Variants in PARP8 observed in about 807,000 individuals in gnomAD.
PARP8 encodes the protein poly(ADP-ribose) polymerase family member 8.
In PARP8, 51 loss-of-function variants were observed where a neutral mutation model predicts 124.1. That is an observed-to-expected ratio of 0.41 (90% CI 0.33 to 0.52). PARP8 has a LOEUF of 0.52. PARP8 is among the 20% of genes least tolerant of loss of function. PARP8 has a pLI of 0.21. For missense variants in PARP8, 860 were observed against 1,018.9 expected, an observed-to-expected ratio of 0.84 and a Z score of 2.12; for synonymous variants, 391 against 361.5, an observed-to-expected ratio of 1.08 and a Z score of -0.93.
chr5:50,758,081 A>G (rs182419326), intron 3 of PARP8, among the ~76,000 whole-genome samples: 46 of 152,276 alleles, frequency 3.0e-4, no homozygotes, highest in East Asian at 1.2e-3. Context: ...ATAAAAAAAC[A>G]TTGACTCTAA....
At chr5:50,668,168 T>TA (rs750221881) in intron 2 of PARP8, 43 bp downstream of exon 2, 1 of 1,490,124 alleles carries the variant, frequency 6.7e-7, no homozygotes, top group African/African-American at 1.4e-5. Flanking sequence ...GTTCACACTC[T>TA]TGTGTTTCCT....
chr5:50,796,899 C>T, intron 12 of PARP8, 83 bp from the exon 13 acceptor site: 1 of 1,165,552 alleles, frequency 8.6e-7, no homozygotes, highest in South Asian at 1.5e-5. Flanking sequence ...TTCGTATTCA[C>T]TATTGCAAAG....
At chr5:50,707,836 A>G (rs1754319092) in intron 2 of PARP8, among the ~76,000 whole-genome samples, 1 of 152,082 alleles carries the variant, frequency 6.6e-6, no homozygotes. Context: ...ATTTTAGAAC[A>G]ATATGCGTGA....
chr5:50,790,843 T>C (rs1741872724), intron 10 of PARP8, among the ~76,000 whole-genome samples: 1 of 152,178 alleles, frequency 6.6e-6, no homozygotes, highest in African/African-American at 2.4e-5. Context: ...ATATTAGCTA[T>C]GTGGAAAGTT....
chr5:50,797,762 T>G (rs1334606199), intron 14 of PARP8, among the ~76,000 whole-genome samples: 1 of 152,230 alleles, frequency 6.6e-6, no homozygotes, highest in East Asian at 1.9e-4. Flanking sequence ...TATACGTGCA[T>G]TTTGGAGAGA....
intron 2 of PARP8, among the ~76,000 whole-genome samples, chr5:50,699,542 C>A (rs1418514742): frequency 6.6e-6 from 1 of 152,174 alleles, no homozygotes. Context: ...CAGCCATCTT[C>A]ATTACCATAT....
intron 2 of PARP8, among the ~76,000 whole-genome samples, chr5:50,679,545 C>T (rs1166864156): frequency 6.6e-6 from 1 of 152,180 alleles, no homozygotes; most frequent in Admixed American, 6.5e-5. Context: ...GCCACCCTCC[C>T]ATATCCTTAG....
intron 7 of PARP8, among the ~76,000 whole-genome samples, chr5:50,776,957 A>G (rs1740099012): frequency 6.6e-6 from 1 of 152,162 alleles, no homozygotes; most frequent in Non-Finnish European, 1.5e-5. Context: ...CTTTTTTCAC[A>G]TCTTTAAATC....
chr5:50,789,738 C>G (rs186657652), intron 10 of PARP8, among the ~76,000 whole-genome samples: 1 of 152,286 alleles, frequency 6.6e-6, no homozygotes, highest in East Asian at 1.9e-4. Context: ...TCTTCCAAAT[C>G]TGCAAATTTA....
rs1024359868 is a variant in PARP8, at chr5:50,828,219, C to A, written c.2091-93C>A. ...TAATACTTGATTTGGCAATCCAGAA[C>A]CTTCAGAAGGCACCATGACTTATTA... On this transcript the variant is annotated intron_variant, in intron 20 of 25. Coordinates refer to ENST00000281631, the MANE Select transcript of PARP8 (RefSeq NM_024615.4). 6.0e-6 allele frequency: 8 copies of A among 1,323,578 alleles called. No homozygotes were observed. In the African/African-American group the frequency reaches 8.8e-5, roughly 15 times the overall value. 82.0% of individuals were successfully genotyped at this position (1,323,578 alleles called of 1,614,324 possible).
At chr5:50,678,475 T>G (rs2149442080) in intron 2 of PARP8, among the ~76,000 whole-genome samples, 1 of 152,312 alleles carries the variant, frequency 6.6e-6, no homozygotes, top group East Asian at 1.9e-4. Context: ...TCTCTCTTCA[T>G]ACTGTCTCTC....
In PARP8 at chr5:50,741,772, T is replaced by G. The variant is rs576867773; in HGVS notation, c.147-8379T>G. The G allele has an allele frequency of 3.3e-4, 140 of 420,236 alleles. 1 individual carries two copies. The highest frequency in any genetic ancestry group is 3.3e-3 in the Middle Eastern group (4 of 1,218). The allele number at this position is 420,236 out of a possible 1,614,324, so 26.0% of individuals were successfully genotyped here. ...ACCTTAGTAAAGGGTAATACGTAAT[T>G]TATTTCATAGGTGAGAAAGATGTGT... On this transcript the variant is annotated intron_variant, in intron 2 of 25. Coordinates refer to ENST00000281631, the MANE Select transcript of PARP8 (RefSeq NM_024615.4).
chr5:50,761,651 A>G (rs1238326391), intron 5 of PARP8, among the ~76,000 whole-genome samples, 170 bp from the exon 6 acceptor site: 5 of 152,104 alleles, frequency 3.3e-5, no homozygotes. Flanking sequence ...ATACACTCAC[A>G]AAGCCATTTG....
At chr5:50,767,071 G>A (rs1295989870) in intron 7 of PARP8, among the ~76,000 whole-genome samples, 1 of 152,092 alleles carries the variant, frequency 6.6e-6, no homozygotes, top group African/African-American at 2.4e-5. Context: ...CCAGTCATAT[G>A]TGAGCTAAGT....
At chr5:50,750,367 A>G (rs529294307) in intron 3 of PARP8, among the ~76,000 whole-genome samples, 179 bp downstream of exon 3, 1 of 152,226 alleles carries the variant, frequency 6.6e-6, no homozygotes, top group East Asian at 1.9e-4. Flanking sequence ...ACTCTGAGAC[A>G]CAGTGCAGAA....
At chr5:50,700,976 T>G (rs1753535508) in intron 2 of PARP8, among the ~76,000 whole-genome samples, 1 of 152,010 alleles carries the variant, frequency 6.6e-6, no homozygotes, top group Non-Finnish European at 1.5e-5. Context: ...GCTATTGGAG[T>G]TTTCTGAATT....
At chr5:50,668,798 C>T (rs1749666239) in intron 2 of PARP8, 1 of 152,234 alleles carries the variant, frequency 6.6e-6, no homozygotes, top group Non-Finnish European at 1.5e-5. Flanking sequence ...AATACTATGC[C>T]TTGCTACCTT....
At chr5:50,722,511 A>G (rs76565200) in intron 2 of PARP8, among the ~76,000 whole-genome samples, 2,178 of 152,120 alleles carry the variant, frequency 0.014, 61 homozygotes, top group African/African-American at 0.049. Context: ...TCTTCCTCAT[A>G]TAATATGATG....
chr5:50,726,569 C>T (rs568338662), intron 2 of PARP8, among the ~76,000 whole-genome samples: 233 of 152,208 alleles, frequency 1.5e-3, no homozygotes, highest in African/African-American at 5.4e-3. Flanking sequence ...GAACAAAGCC[C>T]CATTTAACAA....
Sources: allele counts gnomAD v4.1 joint callset (sites outside exome capture counted in the v4.1 genomes callset), GRCh38; gene constraint gnomAD v4.1.1; transcripts MANE v1.5; gene names NCBI Gene and HGNC (gene_info 2026-07-23, HGNC 2026-07-21).